Variants in ZBTB8OS observed in about 807,000 individuals in gnomAD.
ZBTB8OS encodes tRNA splicing ligase complex subunit 1.
Under a neutral mutation model 29.3 loss-of-function variants are expected in ZBTB8OS, and 16 were observed. That is an observed-to-expected ratio of 0.55 (90% CI 0.37 to 0.83). The LOEUF (loss-of-function observed/expected upper bound fraction) is 0.83. Among genes scored for constraint, ZBTB8OS ranks in the 40% least tolerant of loss-of-function variants. The pLI is 0.00. For missense variants in ZBTB8OS, 160 were observed against 196.9 expected, an observed-to-expected ratio of 0.81 and a Z score of 1.12; for synonymous variants, 70 against 64.6, an observed-to-expected ratio of 1.08 and a Z score of -0.40.
intron 1 of ZBTB8OS, among the ~76,000 whole-genome samples, chr1:32,646,699 G>T (rs1047670578): frequency 3.3e-5 from 5 of 151,588 alleles, no homozygotes; most frequent in African/African-American, 1.2e-4. Context: ...AATCTCAGTG[G>T]ACAAGGCATT....
intron 1 of ZBTB8OS, among the ~76,000 whole-genome samples, chr1:32,648,707 G>A (rs937662058): frequency 5.9e-5 from 9 of 152,126 alleles, no homozygotes; most frequent in Non-Finnish European, 2.9e-5. Flanking sequence ...CGCCCAGGCT[G>A]GAGTGCAGTG....
intron 1 of ZBTB8OS, among the ~76,000 whole-genome samples, chr1:32,640,905 C>T (rs1646340822): frequency 6.6e-6 from 1 of 151,782 alleles, no homozygotes; most frequent in African/African-American, 2.4e-5. Flanking sequence ...AGGCCCACAC[C>T]TGTAATCCCA....
chr1:32,638,491 A>G (rs1020294053), intron 1 of ZBTB8OS, among the ~76,000 whole-genome samples: 1 of 152,136 alleles, frequency 6.6e-6, no homozygotes, highest in Non-Finnish European at 1.5e-5. Flanking sequence ...CGACCAGCCC[A>G]GAATTCTTTA....
chr1:32,629,749 CT>C (rs869185319), intron 5 of ZBTB8OS, among the ~76,000 whole-genome samples: 1,619 of 114,120 alleles, frequency 0.014, 1 homozygote, highest in East Asian at 0.03. Flanking sequence ...ATGCTTGTTT[CT>C]TTTTTTTTTT....
chr1:32,635,376 A>G (rs920640715), intron 1 of ZBTB8OS, among the ~76,000 whole-genome samples: 1 of 151,142 alleles, frequency 6.6e-6, no homozygotes, highest in Non-Finnish European at 1.5e-5. Context: ...GGTTCAAGTG[A>G]TTCTCCTGCC....
intron 1 of ZBTB8OS, among the ~76,000 whole-genome samples, chr1:32,641,393 C>T (rs1017741984): frequency 6.7e-6 from 1 of 149,672 alleles, no homozygotes; most frequent in African/African-American, 2.4e-5. Context: ...CCTGCCTCAG[C>T]CTCCTGAGTA....
intron 5 of ZBTB8OS, among the ~76,000 whole-genome samples, chr1:32,631,354 C>CAA (rs560515421): frequency 4.7e-5 from 3 of 63,228 alleles, no homozygotes; most frequent in Non-Finnish European, 9.6e-5. Flanking sequence ...GACCCTGTAT[C>CAA]AAAAAAAAAA....
chr1:32,646,196 G>A (rs1463387789), intron 1 of ZBTB8OS, among the ~76,000 whole-genome samples: 2 of 151,944 alleles, frequency 1.3e-5, no homozygotes, highest in Admixed American at 6.6e-5. Context: ...GTGCACGCCT[G>A]TAATCCCAGC....
At chr1:32,647,041 CAAAAA>C (rs71006347) in intron 1 of ZBTB8OS, among the ~76,000 whole-genome samples, 8 of 39,390 alleles carry the variant, frequency 2.0e-4, no homozygotes, top group South Asian at 1.6e-3. Flanking sequence ...GATACTGTCT[CAAAAA>C]AAAAAAAAAA....
At chr1:32,631,741 T>C in intron 5 of ZBTB8OS, 86 bp downstream of exon 5, 3 of 1,065,694 alleles carry the variant, frequency 2.8e-6, no homozygotes, top group Non-Finnish European at 4.2e-6. Context: ...GGCCCTCTGA[T>C]TTATGTTTCC....
intron 5 of ZBTB8OS, 128 bp from the exon 6 acceptor site, chr1:32,627,672 GTTTCAT>G (rs1645219816): frequency 1.3e-6 from 1 of 780,158 alleles, no homozygotes; most frequent in Non-Finnish European, 2.1e-6. Flanking sequence ...GAGCTGTTAA[GTTTCAT>G]TTTCATTTGT....
Position 32,621,292 on chromosome 1 carries a change from G to C in ZBTB8OS, c.*570C>G, listed in dbSNP as rs1305527373. 2.6e-5 allele frequency: 4 copies of C among 152,308 alleles called. No individual in the cohort carries two copies. 9.4% of individuals were successfully genotyped at this position (152,308 alleles called of 1,614,324 possible). ...CGGGTGCCTATAGTCCCAGCTACTC[G>C]GGAGGCTGAGGTAGGAGAATGGCGT... On this transcript the variant is annotated 3_prime_UTR_variant, in exon 7 of 7. Transcript: ENST00000468695.
intron 1 of ZBTB8OS, among the ~76,000 whole-genome samples, chr1:32,648,737 C>A (rs1647041191): frequency 6.6e-6 from 1 of 152,074 alleles, no homozygotes; most frequent in African/African-American, 2.4e-5. Flanking sequence ...CGGCTCACTG[C>A]AACCTCCGCC....
At chr1:32,628,364 C>T (rs1246849905) in intron 5 of ZBTB8OS, among the ~76,000 whole-genome samples, 1 of 150,590 alleles carries the variant, frequency 6.6e-6, no homozygotes, top group Non-Finnish European at 1.5e-5. Flanking sequence ...AGGTCAGGCG[C>T]GGTGGCTCAT....
At chr1:32,639,915 G>T (rs1646268314) in intron 1 of ZBTB8OS, 1 of 152,078 alleles carries the variant, frequency 6.6e-6, no homozygotes, top group Non-Finnish European at 1.5e-5. Flanking sequence ...GAAAATACAG[G>T]AGCATTTTAA....
At chr1:32,636,088 C>T (rs1645932248) in intron 1 of ZBTB8OS, among the ~76,000 whole-genome samples, 2 of 152,152 alleles carry the variant, frequency 1.3e-5, no homozygotes, top group African/African-American at 4.8e-5. Context: ...CGTTATCTGG[C>T]TCAACCAGTT....
chr1:32,645,110 A>C (rs895452880), intron 1 of ZBTB8OS, among the ~76,000 whole-genome samples: 4 of 151,548 alleles, frequency 2.6e-5, no homozygotes, highest in African/African-American at 9.7e-5. Context: ...ACCTGGGAGG[A>C]GGAGGTTGCA....
At chr1:32,647,986 T>C (rs941859876) in intron 1 of ZBTB8OS, among the ~76,000 whole-genome samples, 1 of 151,812 alleles carries the variant, frequency 6.6e-6, no homozygotes, top group South Asian at 2.1e-4. Context: ...GTTAATGAAC[T>C]GCATTGCATA....
intron 5 of ZBTB8OS, among the ~76,000 whole-genome samples, chr1:32,629,552 ACT>A (rs1645378213): frequency 6.6e-6 from 1 of 152,204 alleles, no homozygotes; most frequent in African/African-American, 2.4e-5. Context: ...CTTGGTTTAC[ACT>A]TTACAACTTT....
Sources: allele counts gnomAD v4.1 joint callset (sites outside exome capture counted in the v4.1 genomes callset), GRCh38; gene constraint gnomAD v4.1.1; transcripts MANE v1.5; gene names NCBI Gene and HGNC (gene_info 2026-07-23, HGNC 2026-07-21).